Variants in KIAA1328 observed in about 807,000 individuals in gnomAD.
KIAA1328 encodes protein hinderin.
KIAA1328 carries 52 observed loss-of-function variants against 68.1 expected under a neutral mutation model. The observed-to-expected ratio is 0.76, with a 90% CI of 0.61 to 0.96. The LOEUF (loss-of-function observed/expected upper bound fraction) is 0.96, where lower values mean the gene tolerates loss of function less well. Among genes scored for constraint, KIAA1328 ranks in the 40% least tolerant of loss-of-function variants. The pLI is 0.00. For missense variants in KIAA1328, 641 were observed against 677.6 expected, an observed-to-expected ratio of 0.95 and a Z score of 0.60; for synonymous variants, 232 against 239.4, an observed-to-expected ratio of 0.97 and a Z score of 0.28.
At chr18:37,082,206 C>T (rs1275035445) in intron 7 of KIAA1328, among the ~76,000 whole-genome samples, 3 of 133,406 alleles carry the variant, frequency 2.2e-5, no homozygotes, top group African/African-American at 8.2e-5. Flanking sequence ...GCATCTCACT[C>T]TGTCACCCAG....
chr18:36,901,962 T>A (rs1333556017), intron 5 of KIAA1328: 2 of 152,026 alleles, frequency 1.3e-5, no homozygotes, highest in East Asian at 3.9e-4. Flanking sequence ...TCATAGCTGT[T>A]TATTTTTATT....
chr18:36,977,485 C>A lies in KIAA1328; in HGVS notation c.576+18050C>A, dbSNP rs185838269. On this transcript the variant is annotated intron_variant, in intron 6 of 9. Transcript: ENST00000280020. The stretch of plus-strand genomic sequence containing the variant: ...GTTTGATGGATTCTGGCCTGCTTGA[C>A]AGATTGAGTGACTGCTGTTTCCCGA... 2.5e-4 allele frequency among the ~76,000 whole-genome samples: 38 copies of A among 152,278 alleles called. No homozygotes were observed. The East Asian group carries it at 7.4e-3, about 29-fold the overall frequency.
intron 4 of KIAA1328, among the ~76,000 whole-genome samples, chr18:36,859,735 C>T (rs1257319842): frequency 6.6e-6 from 1 of 151,894 alleles, no homozygotes; most frequent in Non-Finnish European, 1.5e-5. Flanking sequence ...TAGGTGCGAG[C>T]CACTGCACTC....
chr18:37,032,047 G>A (rs1020970935), intron 6 of KIAA1328, among the ~76,000 whole-genome samples: 8 of 152,128 alleles, frequency 5.3e-5, no homozygotes, highest in East Asian at 1.9e-4. Flanking sequence ...AGGTATGGTA[G>A]CATACTCCTG....
chr18:37,115,213 A>G (rs1417379501), intron 7 of KIAA1328, among the ~76,000 whole-genome samples: 1 of 152,202 alleles, frequency 6.6e-6, no homozygotes, highest in African/African-American at 2.4e-5. Flanking sequence ...CATGACAAAG[A>G]AAGAGATTTT....
chr18:37,223,503 G>A lies in KIAA1328; in HGVS notation c.*1276G>A, dbSNP rs1368741305. ...AAACTCTCCAGTCATTGAAAGCAAG[G>A]GGAGGGTGTGTTCCCAGATGTGTAT... is the stretch of plus-strand genomic sequence containing the variant. On this transcript the variant is annotated 3_prime_UTR_variant, in exon 10 of 10. Coordinates refer to ENST00000280020, the MANE Select transcript of KIAA1328 (RefSeq NM_020776.3). 7 of 985,274 alleles carry A rather than the reference G, an allele frequency of 7.1e-6. No individual in the cohort carries two copies. The highest frequency in any genetic ancestry group is 1.1e-4 in the East Asian group (1 of 8,820). The allele number at this position is 985,274 out of a possible 1,614,324, so 61.0% of individuals were successfully genotyped here. A position where few individuals can be genotyped will look rare whatever the true frequency, so the allele number is the denominator to read the frequency against.
At chr18:37,044,539 T>G (rs2055386397) in intron 6 of KIAA1328, among the ~76,000 whole-genome samples, 1 of 152,154 alleles carries the variant, frequency 6.6e-6, no homozygotes. Flanking sequence ...GGCTCATGCC[T>G]GTAATCCCAG....
intron 6 of KIAA1328, among the ~76,000 whole-genome samples, chr18:36,983,095 A>C (rs572720958): frequency 6.6e-6 from 1 of 152,174 alleles, no homozygotes; most frequent in South Asian, 2.1e-4. Flanking sequence ...AGAAATCAAA[A>C]TAATAGATTT....
chr18:36,919,933 G>T (rs1352260268), intron 5 of KIAA1328, among the ~76,000 whole-genome samples: 1 of 152,040 alleles, frequency 6.6e-6, no homozygotes, highest in Admixed American at 6.6e-5. Flanking sequence ...GCTTTTGCTT[G>T]TTTAACTTCT....
chr18:36,964,437 C>T (rs946079494), intron 6 of KIAA1328, among the ~76,000 whole-genome samples: 3 of 152,058 alleles, frequency 2.0e-5, no homozygotes, highest in African/African-American at 4.8e-5. Flanking sequence ...TGTTTGTATT[C>T]GTTACTCTCT....
At chr18:36,963,791 A>G (rs1483807602) in intron 6 of KIAA1328, among the ~76,000 whole-genome samples, 1 of 152,186 alleles carries the variant, frequency 6.6e-6, no homozygotes. Context: ...AATCGTTGTT[A>G]TATCATTCAT....
At position 37,064,560 on chromosome 18, in the gene KIAA1328, GTCTTAAT is replaced by G. The variant is rs1382994317; in HGVS notation, c.577-2327_577-2321del. On this transcript the variant is annotated intron_variant, in intron 6 of 9. Transcript: ENST00000280020. ...TACCCCCCCCCCCAAATATGACCAT[GTCTTAAT>G]TCCCGAATGTCACGTTATGTGTCAC... Among the ~76,000 whole-genome samples, 3 of 136,780 alleles carry G rather than the reference GTCTTAAT, an allele frequency of 2.2e-5. No individual in the cohort carries two copies. The East Asian group carries it at 6.2e-4, about 28-fold the overall frequency. The allele number at this position is 136,780 out of a possible 152,430, so 89.7% of individuals were successfully genotyped here. A position where few individuals can be genotyped will look rare whatever the true frequency, so the allele number is the denominator to read the frequency against.
intron 6 of KIAA1328, among the ~76,000 whole-genome samples, chr18:36,980,553 T>G (rs2052643179): frequency 6.6e-6 from 1 of 152,184 alleles, no homozygotes; most frequent in Non-Finnish European, 1.5e-5. Context: ...AGACTCACTG[T>G]TATACATTTA....
intron 5 of KIAA1328, among the ~76,000 whole-genome samples, chr18:36,935,189 A>C (rs2050454668): frequency 6.6e-6 from 1 of 152,222 alleles, no homozygotes; most frequent in Non-Finnish European, 1.5e-5. Context: ...GTCTCTGGCT[A>C]CTTTGCACTG....
intron 7 of KIAA1328, among the ~76,000 whole-genome samples, chr18:37,136,826 C>CT (rs1198472379): frequency 6.6e-6 from 1 of 152,168 alleles, no homozygotes; most frequent in Non-Finnish European, 1.5e-5. Context: ...CATTAACTGA[C>CT]TTAAAGAGCT....
At chr18:37,105,734 T>C (rs1279194614) in intron 7 of KIAA1328, among the ~76,000 whole-genome samples, 2 of 151,032 alleles carry the variant, frequency 1.3e-5, no homozygotes, top group Non-Finnish European at 2.9e-5. Context: ...GAGGCCAACA[T>C]GGTGAAACCC....
intron 9 of KIAA1328, among the ~76,000 whole-genome samples, chr18:37,211,242 G>T (rs2060310470): frequency 6.6e-6 from 1 of 152,152 alleles, no homozygotes; most frequent in South Asian, 2.1e-4. Context: ...AGGGGCCTGG[G>T]TTAAAAACCA....
intron 7 of KIAA1328, among the ~76,000 whole-genome samples, chr18:37,112,056 A>G (rs1017406156): frequency 6.6e-6 from 1 of 152,202 alleles, no homozygotes; most frequent in African/African-American, 2.4e-5. Flanking sequence ...ACCGCAGCTC[A>G]AGGAGGCCTG....
At chr18:37,205,429 CA>C (rs2060199037) in intron 9 of KIAA1328, among the ~76,000 whole-genome samples, 1 of 152,154 alleles carries the variant, frequency 6.6e-6, no homozygotes, top group Admixed American at 6.5e-5. Flanking sequence ...TGGGAAAAGA[CA>C]GGCAACAAAA....
Sources: gnomAD v4.1 joint callset for allele counts (sites outside exome capture counted in the v4.1 genomes callset) on GRCh38, gnomAD v4.1.1 for gene constraint, MANE v1.5 for transcripts, NCBI Gene and HGNC (gene_info 2026-07-23, HGNC 2026-07-21) for gene names.